The following NUP214 variants were observed in gnomAD, a reference collection of about 807,000 sequenced individuals.
NUP214 encodes nuclear pore complex protein Nup214.
Under a neutral mutation model 196.2 loss-of-function variants are expected in NUP214, and 79 were observed. The observed-to-expected ratio is 0.40, with a 90% confidence interval of 0.34 to 0.49. NUP214 has a LOEUF of 0.49. NUP214 is among the 20% of genes least tolerant of loss of function. NUP214 has a pLI of 0.58. For synonymous variants in NUP214, 1,020 were observed against 990.5 expected (o/e 1.03, Z -0.56); for missense variants, 2,468 against 2,539.0 (o/e 0.97, Z 0.60).
chr9:131,195,252 A>T lies in NUP214; in HGVS notation c.3679A>T (p.Ile1227Leu), dbSNP rs1242683701. ...SPSGTGFNFGIITPTPSSNFT... is the reference protein window; with the variant it reads ...SPSGTGFNFGLITPTPSSNFT... ...TGTTAGGACTGGCTTTAATTTTGGG[A>T]TAATCACACCAACACCGTCTTCTAA... The change falls in exon 28 of 36, where the codon ATA (isoleucine) becomes TTA (leucine). Residue 1227 changes from isoleucine (I) to leucine (L), a missense_variant. Physicochemically the swap from Ile to Leu is conservative, Grantham distance 5 (BLOSUM62 2). Around this residue, in one of 5 missense-constraint regions of NUP214, gnomAD observed 1,801 missense variants for 1,779.4 expected, o/e 1.01. Transcript: ENST00000359428. 1.2e-6 allele frequency: 2 copies of T among 1,612,976 alleles called. No homozygotes were observed. Among genetic ancestry groups the T allele is most frequent in the Non-Finnish European group, 1.7e-6 (2 of 1,179,456 alleles).
intron 21 of NUP214, among the ~76,000 whole-genome samples, chr9:131,166,739 T>C (rs1172596320): frequency 1.3e-5 from 2 of 152,178 alleles, no homozygotes. Flanking sequence ...TATGGGCTTA[T>C]GTGAGAGTTT....
rs144133204 is a variant in NUP214, at chr9:131,149,776, G to C, written c.2041-548G>C. Among the ~76,000 whole-genome samples the C allele has an allele frequency of 8.6e-3, 1,306 of 152,176 alleles. 9 individuals are homozygous for C. The highest frequency in any genetic ancestry group is 0.014 in the Non-Finnish European group (943 of 68,008). On this transcript the variant is annotated intron_variant, in intron 14 of 35. Coordinates refer to ENST00000359428, the MANE Select transcript of NUP214 (RefSeq NM_005085.4). ...GACCTTATATGACCTACCCCGGCCT[G>C]CCTTCCTGACTCTACCCCTGCCCTC... is the stretch of plus-strand genomic sequence containing the variant.
Position 131,163,858 on chromosome 9 carries a change from G to T in NUP214, c.2724-12G>T, listed in dbSNP as rs1319008914. On this transcript the variant is annotated splice_polypyrimidine_tract_variant and intron_variant, in intron 19 of 35. Transcript: ENST00000359428. The stretch of plus-strand genomic sequence containing the variant: ...TCCTAGTTGGTCTGTATCTAACACT[G>T]TTCTGTTTCAGTTTTGACAGTGACC... The T allele has an allele frequency of 6.2e-7, 1 of 1,611,938 alleles. No homozygotes were observed. The highest frequency in any genetic ancestry group is 8.5e-7 in the Non-Finnish European group (1 of 1,178,240).
At chr9:131,184,915 G>C (rs1253072407) in intron 24 of NUP214, among the ~76,000 whole-genome samples, 1 of 152,076 alleles carries the variant, frequency 6.6e-6, no homozygotes, top group African/African-American at 2.4e-5. Flanking sequence ...CTTTTTCCCT[G>C]TTGATTTCTT....
In NUP214 at chr9:131,221,598, C is replaced by T. The variant is rs186322405; in HGVS notation, c.5750-1180C>T. Among the ~76,000 whole-genome samples the T allele has an allele frequency of 1.5e-3, 233 of 152,288 alleles. 1 individual carries two copies. The highest frequency in any genetic ancestry group is 3.0e-3 in the Non-Finnish European group (207 of 68,018). ...TTTGAAAATGATGTTAAGTGCTCCC[C>T]CTCCTCCAGTCCTCTCCTTTCACTT... On this transcript the variant is annotated intron_variant, in intron 31 of 35. Transcript: ENST00000359428.
Position 131,234,619 on chromosome 9 carries a change from G to A in NUP214, c.*1132G>A, listed in dbSNP as rs1331880787. Reference sequence around the variant, plus strand: ...TTTTTAGAGTTTTACATATTGGCAGGTTGTATTTTTTTAATGTTTTAATAA... The same window carrying A: ...TTTTTAGAGTTTTACATATTGGCAGATTGTATTTTTTTAATGTTTTAATAA... On this transcript the variant is annotated 3_prime_UTR_variant, in exon 36 of 36. Transcript: ENST00000359428. 1 of 227,322 alleles carries A rather than the reference G, an allele frequency of 4.4e-6. No individual in the cohort carries two copies. Among genetic ancestry groups the A allele is most frequent in the East Asian group, 6.3e-5 (1 of 15,862 alleles). The allele number at this position is 227,322 out of a possible 1,614,324, so 14.1% of individuals were successfully genotyped here. A position where few individuals can be genotyped will look rare whatever the true frequency, so the allele number is the denominator to read the frequency against.
intron 22 of NUP214, among the ~76,000 whole-genome samples, 161 bp from the exon 23 acceptor site, chr9:131,175,298 TG>T (rs1443542126): frequency 1.3e-5 from 2 of 152,202 alleles, no homozygotes; most frequent in African/African-American, 4.8e-5. Flanking sequence ...ATGCGATAAC[TG>T]AAAGATATAG....
chr9:131,202,734 G>C (rs1200797267), intron 30 of NUP214, among the ~76,000 whole-genome samples: 1 of 150,478 alleles, frequency 6.6e-6, no homozygotes, highest in South Asian at 2.1e-4. Flanking sequence ...GAGCCACTGT[G>C]CCTGGCCAGT....
At chr9:131,190,541 T>C (rs1234738219) in intron 26 of NUP214, 2 of 643,492 alleles carry the variant, frequency 3.1e-6, no homozygotes, top group African/African-American at 3.7e-5. Flanking sequence ...TGAAAGGTGC[T>C]GCTTAAGAGT....
At position 131,234,498 on chromosome 9, in the gene NUP214, A is replaced by G. The variant is rs1834960371; in HGVS notation, c.*1011A>G. On this transcript the variant is annotated 3_prime_UTR_variant, in exon 36 of 36. Coordinates refer to ENST00000359428, the MANE Select transcript of NUP214 (RefSeq NM_005085.4). ...TGCCATCAAACAAGGACCGTCTCGC[A>G]TTGAAAACAGATGTAAGAATTTCTC... 4.3e-6 allele frequency: 1 copy of G among 231,866 alleles called. No individual in the cohort carries two copies. Among genetic ancestry groups the G allele is most frequent in the Non-Finnish European group, 8.5e-6 (1 of 117,320 alleles). 14.4% of individuals were successfully genotyped at this position (231,866 alleles called of 1,614,324 possible).
At chr9:131,233,317 T>C (rs1407853874) in intron 35 of NUP214, 137 bp from the exon 36 acceptor site, 4 of 792,000 alleles carry the variant, frequency 5.1e-6, no homozygotes, top group African/African-American at 3.5e-5. Flanking sequence ...GCCTGGGCAA[T>C]AGAGTGAGAC....
At position 131,150,679 on chromosome 9, in the gene NUP214, G is replaced by A. The variant is rs144321623; in HGVS notation, c.2191G>A (p.Val731Met). ...CCGAACTTCCAAAGCCTGTTTCCAA[G>A]TGGGCACTTCTGAGGAGATGAAGAT... is the stretch of plus-strand genomic sequence containing the variant. ...KARTSKACFQ[V>M]GTSEEMKMLR... is the part of the protein sequence containing the mutation. Residue 731 changes from valine (V) to methionine (M), a missense_variant, in exon 16 of 36, where the codon GTG becomes ATG. Physicochemically the swap from Val to Met is conservative, Grantham distance 21. Coordinates refer to ENST00000359428, the MANE Select transcript of NUP214 (RefSeq NM_005085.4). 16 of 1,614,090 alleles carry A rather than the reference G, an allele frequency of 9.9e-6. No homozygotes were observed. Among genetic ancestry groups the A allele is most frequent in the African/African-American group, 2.7e-5 (2 of 74,934 alleles).
intron 11 of NUP214, among the ~76,000 whole-genome samples, chr9:131,142,828 G>A (rs531811712): frequency 2.6e-5 from 4 of 152,030 alleles, no homozygotes; most frequent in South Asian, 2.1e-4. Context: ...TAAGTATTAC[G>A]TTGCATTAGA....
chr9:131,144,241 A>C lies in NUP214; in HGVS notation c.1295-39A>C, dbSNP rs770152928. 5 of 1,463,442 alleles carry C rather than the reference A, an allele frequency of 3.4e-6. No individual in the cohort carries two copies. The Admixed American group carries it at 8.6e-5, about 25-fold the overall frequency. The allele number at this position is 1,463,442 out of a possible 1,614,324, so 90.7% of individuals were successfully genotyped here. On this transcript the variant is annotated intron_variant, in intron 11 of 35. Transcript: ENST00000359428. Reference sequence around the variant, plus strand: ...TTCTATTATGTGAACCTCCACTGTTACAGTGTTAACATTTTCCTTCCTTTT... The same window carrying C: ...TTCTATTATGTGAACCTCCACTGTTCCAGTGTTAACATTTTCCTTCCTTTT...
intron 27 of NUP214, 128 bp downstream of exon 27, chr9:131,192,420 C>A (rs1350685345): frequency 3.8e-6 from 2 of 527,046 alleles, no homozygotes; most frequent in South Asian, 3.2e-5. Context: ...GGCAGTAATA[C>A]ATGTGATGAT....
intron 21 of NUP214, among the ~76,000 whole-genome samples, chr9:131,171,514 CAG>C (rs1165502882): frequency 1.3e-5 from 2 of 150,622 alleles, no homozygotes; most frequent in African/African-American, 2.4e-5. Flanking sequence ...CGGCTTAAAA[CAG>C]TACCTAGTTG....
chr9:131,150,343 C>T lies in NUP214; in HGVS notation c.2060C>T (p.Ala687Val). ...GSPQAKSLQPAVAEKQGHQWK... is the reference protein window; with the variant it reads ...GSPQAKSLQPVVAEKQGHQWK... ...TTTCAGGCAAAGTCACTTCAGCCTG[C>T]TGTTGCAGAAAAGCAGGGACATCAG... Residue 687 changes from alanine to valine, a missense_variant, in exon 15 of 36, where the codon GCT (alanine) becomes GTT (valine). Coordinates refer to ENST00000359428, the MANE Select transcript of NUP214 (RefSeq NM_005085.4). The T allele has an allele frequency of 6.2e-7, 1 of 1,614,154 alleles. No homozygotes were observed. The highest frequency in any genetic ancestry group is 8.5e-7 in the Non-Finnish European group (1 of 1,179,984).
intron 1 of NUP214, chr9:131,126,041 G>A: frequency 1.1e-5 from 5 of 455,170 alleles, no homozygotes; most frequent in Non-Finnish European, 1.6e-5. Context: ...TGTGTGCCAG[G>A]CACTGTGGTA....
chr9:131,138,144 C>T (rs1457153333), intron 9 of NUP214, among the ~76,000 whole-genome samples: 4 of 151,858 alleles, frequency 2.6e-5, no homozygotes, highest in Non-Finnish European at 5.9e-5. Context: ...CTCTCTCTCT[C>T]TCTTTTTTCT....
Sources: allele counts gnomAD v4.1 joint callset (sites outside exome capture counted in the v4.1 genomes callset), GRCh38; gene constraint gnomAD v4.1.1; regional missense constraint gnomAD v4.1.1; transcripts MANE v1.5; gene names NCBI Gene and HGNC (gene_info 2026-07-23, HGNC 2026-07-21).